The following LRRC37A2 variants were observed in gnomAD, a reference collection of about 807,000 sequenced individuals.
LRRC37A2 encodes the protein leucine rich repeat containing 37 member A2, also known as leucine-rich repeat-containing protein 37A2.
In LRRC37A2, 9 loss-of-function variants were observed where a neutral mutation model predicts 68.8. That is an observed-to-expected ratio of 0.13 (90% CI 0.08 to 0.23). The LOEUF (loss-of-function observed/expected upper bound fraction) is 0.23. LRRC37A2 is among the 10% of genes least tolerant of loss of function. The pLI, the probability that LRRC37A2 is intolerant of heterozygous loss-of-function variation, is 1.00. For missense variants in LRRC37A2, 168 were observed against 950.4 expected (o/e 0.18, Z 10.82); for synonymous variants, 63 against 367.6 (o/e 0.17, Z 9.48).
At chr17:46,750,126 G>C in the LRRC37A2 span, among the ~76,000 whole-genome samples, 2 of 152,360 alleles carry the variant, frequency 1.3e-5, no homozygotes, top group South Asian at 4.1e-4. Flanking sequence ...GACGGGGCAG[G>C]TGGATCACTT....
the LRRC37A2 span, among the ~76,000 whole-genome samples, chr17:46,906,445 G>C: frequency 6.6e-6 from 1 of 152,196 alleles, no homozygotes; most frequent in African/African-American, 2.4e-5. Context: ...TAAGAGACAT[G>C]ATCTTGCTCT....
chr17:46,806,941 C>T, the LRRC37A2 span, among the ~76,000 whole-genome samples: 1 of 152,138 alleles, frequency 6.6e-6, no homozygotes, highest in African/African-American at 2.4e-5. Context: ...CTGGGCACTC[C>T]GTCACCTGTG....
the LRRC37A2 span, chr17:46,934,906 C>A: frequency 5.9e-6 from 5 of 853,964 alleles, no homozygotes; most frequent in Non-Finnish European, 1.0e-5. Flanking sequence ...CATTAGGGTC[C>A]GCTGATTCTT....
chr17:46,872,282 G>C, the LRRC37A2 span, among the ~76,000 whole-genome samples: 1 of 152,352 alleles, frequency 6.6e-6, no homozygotes, highest in South Asian at 2.1e-4. Context: ...TAGGAAAATA[G>C]GGTGGATAAG....
At chr17:46,786,701 G>A in the LRRC37A2 span, among the ~76,000 whole-genome samples, 5 of 152,284 alleles carry the variant, frequency 3.3e-5, no homozygotes, top group African/African-American at 7.2e-5. Context: ...AAGGGGTGCC[G>A]TGCTCTCTGT....
At chr17:46,972,678 G>A in the LRRC37A2 span, among the ~76,000 whole-genome samples, 31 of 152,320 alleles carry the variant, frequency 2.0e-4, no homozygotes, top group African/African-American at 6.5e-4. Flanking sequence ...GGAGAAACCC[G>A]GGTTTACAGC....
chr17:47,019,480 T>A, the LRRC37A2 span: 3 of 1,586,910 alleles, frequency 1.9e-6, no homozygotes, highest in Admixed American at 5.0e-5. Context: ...ACTACAGAGA[T>A]TGGACATTCT....
chr17:46,905,807 T>C, the LRRC37A2 span, among the ~76,000 whole-genome samples: 1 of 113,552 alleles, frequency 8.8e-6, no homozygotes, highest in East Asian at 2.2e-4. Flanking sequence ...TGTGTGTGTG[T>C]GTGTGTGCGT....
the LRRC37A2 span, among the ~76,000 whole-genome samples, chr17:46,947,858 T>A: frequency 6.6e-6 from 1 of 152,158 alleles, no homozygotes; most frequent in Non-Finnish European, 1.5e-5. Flanking sequence ...AACCTCCGCC[T>A]CCCGGGTTCA....
the LRRC37A2 span, among the ~76,000 whole-genome samples, chr17:46,919,183 T>C: frequency 6.6e-6 from 1 of 152,202 alleles, no homozygotes; most frequent in African/African-American, 2.4e-5. Context: ...GAATCTATAA[T>C]GTAGGATGAT....
chr17:46,769,401 T>G, the LRRC37A2 span, among the ~76,000 whole-genome samples: 4 of 151,924 alleles, frequency 2.6e-5, no homozygotes, highest in African/African-American at 4.8e-5. Flanking sequence ...GGCTGGGAAC[T>G]TAACGTGACT....
chr17:46,936,315 G>A, the LRRC37A2 span: 2 of 985,396 alleles, frequency 2.0e-6, no homozygotes, highest in Non-Finnish European at 2.4e-6. Context: ...TGAAGAGCCA[G>A]TGGGGGTTAG....
At chr17:46,694,458 A>G in the LRRC37A2 span, 1 of 798,790 alleles carries the variant, frequency 1.3e-6, no homozygotes, top group Non-Finnish European at 2.0e-6. Context: ...TGCCTATTTT[A>G]TTTTTAATTT....
the LRRC37A2 span, among the ~76,000 whole-genome samples, chr17:46,907,531 T>G: frequency 6.6e-6 from 1 of 150,600 alleles, no homozygotes; most frequent in Non-Finnish European, 1.5e-5. Context: ...AGACCCTCAG[T>G]GCAATTTAGC....
chr17:46,949,414 T>C, the LRRC37A2 span: 2 of 152,136 alleles, frequency 1.3e-5, no homozygotes, highest in African/African-American at 4.8e-5. Flanking sequence ...TCGGAAGTCA[T>C]AGGGCCTCTG....
the LRRC37A2 span, among the ~76,000 whole-genome samples, chr17:46,974,642 G>A: frequency 3.3e-5 from 5 of 152,024 alleles, no homozygotes; most frequent in South Asian, 2.1e-4. Flanking sequence ...GCTGAGGCAG[G>A]AGGATGGCGT....
the LRRC37A2 span, among the ~76,000 whole-genome samples, chr17:46,505,122 T>A: frequency 1.1e-5 from 1 of 89,660 alleles, no homozygotes; most frequent in Non-Finnish European, 2.1e-5. Flanking sequence ...TTAGTAGAGA[T>A]GGGGTTTCAC....
At chr17:46,780,914 A>G in the LRRC37A2 span, among the ~76,000 whole-genome samples, 12 of 152,154 alleles carry the variant, frequency 7.9e-5, no homozygotes, top group African/African-American at 1.4e-4. Flanking sequence ...CAGGTGGCCC[A>G]TACATACAGT....
the LRRC37A2 span, among the ~76,000 whole-genome samples, chr17:46,403,794 G>A: frequency 1.2e-5 from 1 of 82,680 alleles, no homozygotes; most frequent in Non-Finnish European, 2.7e-5. Flanking sequence ...CGCCTCCCGG[G>A]CTCACGCCTT....
Sources: allele counts gnomAD v4.1 joint callset (sites outside exome capture counted in the v4.1 genomes callset), GRCh38; gene constraint gnomAD v4.1.1; transcripts MANE v1.5; gene names NCBI Gene and HGNC (gene_info 2026-07-23, HGNC 2026-07-21).